NAALADL1: variants seen among roughly 807,000 people sequenced by gnomAD.
NAALADL1 encodes the protein N-acetylated alpha-linked acidic dipeptidase like 1.
In NAALADL1, 77 loss-of-function variants were observed where a neutral mutation model predicts 82.8. That is an observed-to-expected ratio of 0.93 (90% confidence interval 0.77 to 1.12). NAALADL1 has a LOEUF of 1.12. Among genes scored for constraint, NAALADL1 ranks in the 50% most tolerant of loss-of-function variants. The pLI is 0.00. For synonymous variants in NAALADL1, 358 were observed against 399.2 expected (o/e 0.90, Z 1.23); for missense variants, 956 against 964.0 (o/e 0.99, Z 0.11).
In NAALADL1 at chr11:65,046,445, C is replaced by CT; in HGVS notation, c.1680_1681insA (p.Gly561ArgfsTer21). 2 of 1,614,196 alleles carry CT rather than the reference C, an allele frequency of 1.2e-6. No homozygotes were observed. The highest frequency in any genetic ancestry group is 1.7e-6 in the Non-Finnish European group (2 of 1,180,024). On this transcript the variant is annotated frameshift_variant and splice_region_variant, in exon 14 of 18. Transcript: ENST00000358658. LOFTEE classifies it high-confidence loss of function. ...GGATGCCCCTTGTCTCCCTCCTCACCCGGGTCCAAAAACTTGTCCACATAG... is the reference window on the plus strand; with the variant it reads ...GGATGCCCCTTGTCTCCCTCCTCACCTCGGGTCCAAAAACTTGTCCACATAG...
chr11:65,053,509 G>A lies in NAALADL1; in HGVS notation c.1060C>T (p.Arg354Cys), dbSNP rs374691634. 67 of 1,613,860 alleles carry A rather than the reference G, an allele frequency of 4.2e-5. No individual in the cohort carries two copies. The highest frequency in any genetic ancestry group is 6.7e-5 in the African/African-American group (5 of 74,996). Residue 354 changes from arginine (R) to cysteine (C), a missense_variant, in exon 7 of 18, where the codon CGT (arginine) becomes TGT (cysteine). Coordinates refer to ENST00000358658, the MANE Select transcript of NAALADL1 (RefSeq NM_005468.3). This position sits in a 1 kb window ranked among gnomAD's most constrained non-coding sequence, Gnocchi z 4.3. ...GGCTCACCAGGCTCCACAGCCCCAC[G>A]GATGATGCCCAGGACGTTGGAAGAG... The part of the protein sequence containing the change: ...RNSSNVLGII[R>C]GAVEPDRYVL...
At position 65,056,868 on chromosome 11, in the gene NAALADL1, C is replaced by A. The variant is rs181310265; in HGVS notation, c.603+503G>T. ...CAGTAGCTGGGATTACAGGCATGCA[C>A]CACCATGTGTGGCTAATTTTGTATT... On this transcript the variant is annotated intron_variant, in intron 4 of 17. Transcript: ENST00000358658. 2.5e-4 allele frequency among the ~76,000 whole-genome samples: 38 copies of A among 152,246 alleles called. No homozygotes were observed. The East Asian group carries it at 7.0e-3, about 28-fold the overall frequency.
chr11:65,060,013 C>G (rs1213673826), upstream of NAALADL1, among the ~76,000 whole-genome samples: 2 of 152,220 alleles, frequency 1.3e-5, no homozygotes, highest in Non-Finnish European at 2.9e-5. Flanking sequence ...TGAGCTGGGA[C>G]TTCTCCCACC....
chr11:65,046,986 G>A (rs1171683293), intron 13 of NAALADL1, among the ~76,000 whole-genome samples: 33 of 57,918 alleles, frequency 5.7e-4, no homozygotes, highest in African/African-American at 1.7e-3. Flanking sequence ...TCCCACCCCC[G>A]CCCCTACATT....
chr11:65,054,329 C>G lies in NAALADL1; in HGVS notation c.913G>C (p.Ala305Pro). Reference sequence around the variant, plus strand: ...CAGCCCAGTGCTCCCTGCCAGGTGGCTGGGGCCAAAGTTCCGTTGAGGTTA... The same window carrying G: ...CAGCCCAGTGCTCCCTGCCAGGTGGGTGGGGCCAAAGTTCCGTTGAGGTTA... ...LCNLNGTLAP[A>P]TWQGALGCHY... The change falls in exon 6 of 18, where the codon GCC (alanine) becomes CCC (proline). Residue 305 changes from alanine to proline, a missense_variant. Physicochemically the swap from Ala to Pro is conservative, Grantham distance 27 (BLOSUM62 -1). Transcript: ENST00000358658. The surrounding 1 kb of genome is among the most constrained non-coding windows in gnomAD (Gnocchi z 4.3). 1.2e-6 allele frequency: 2 copies of G among 1,614,044 alleles called. No individual in the cohort carries two copies. Among genetic ancestry groups the G allele is most frequent in the Non-Finnish European group, 1.7e-6 (2 of 1,179,996 alleles).
In NAALADL1 at chr11:65,054,752, A is replaced by G. The variant is rs1482189118; in HGVS notation, c.604-14T>C. On this transcript the variant is annotated splice_polypyrimidine_tract_variant and intron_variant, in intron 4 of 17. Coordinates refer to ENST00000358658, the MANE Select transcript of NAALADL1 (RefSeq NM_005468.3). The surrounding 1 kb of genome is among the most constrained non-coding windows in gnomAD (Gnocchi z 4.3). The stretch of plus-strand genomic sequence containing the variant: ...AGCGTTCACAGCCTGCAGTGGGCAG[A>G]GGAGGCTGTGTGTAAGGGAGGGACC... The G allele has an allele frequency of 1.2e-6, 2 of 1,610,748 alleles. No individual in the cohort carries two copies. The highest frequency in any genetic ancestry group is 3.3e-5 in the Admixed American group (2 of 59,960).
chr11:65,057,707 GTT>G, intron 3 of NAALADL1, among the ~76,000 whole-genome samples, 166 bp downstream of exon 3: 1 of 152,154 alleles, frequency 6.6e-6, no homozygotes, highest in Non-Finnish European at 1.5e-5. Context: ...ACTAGTGTTT[GTT>G]GAATGACTGA....
At position 65,054,104 on chromosome 11, in the gene NAALADL1, TG is replaced by T; in HGVS notation, c.992+145del. ...GCTTCCCCAAAAACAAGACATATTTTGGGGTCAGGAGAGGGTCTGGGAGAGA... is the reference window on the plus strand; with the variant it reads ...GCTTCCCCAAAAACAAGACATATTTTGGGTCAGGAGAGGGTCTGGGAGAGA... On this transcript the variant is annotated intron_variant, in intron 6 of 17. Transcript: ENST00000358658. The surrounding 1 kb of genome is among the most constrained non-coding windows in gnomAD (Gnocchi z 4.3). 2 of 680,604 alleles carry T rather than the reference TG, an allele frequency of 2.9e-6. No homozygotes were observed. Among genetic ancestry groups the T allele is most frequent in the Non-Finnish European group, 2.4e-6 (1 of 409,172 alleles). 42.2% of individuals were successfully genotyped at this position (680,604 alleles called of 1,614,324 possible).
rs747333352 is a variant in NAALADL1, at chr11:65,045,501, G to A, written c.2037-44C>T. 8 of 1,534,702 alleles carry A rather than the reference G, an allele frequency of 5.2e-6. No homozygotes were observed. In the South Asian group the frequency reaches 1.0e-4, roughly 19 times the overall value. On this transcript the variant is annotated intron_variant, in intron 17 of 17. Transcript: ENST00000358658. ...CAGGATCAGGGTCAGTCAGTCAGGG[G>A]CCAGGAAAGAGAAGCCTGGGCCTAG...
chr11:65,054,469 T>G lies in NAALADL1; in HGVS notation c.873A>C (p.Ala291=), dbSNP rs150220688. 303 of 1,614,054 alleles carry G rather than the reference T, an allele frequency of 1.9e-4. 3 individuals carry two copies. The Admixed American group carries it at 4.9e-3, about 26-fold the overall frequency. The part of the protein sequence containing the change: ...IPTQPIGFQD[A]RDLLCNLNGT... ...CACAAACTCACCAGAGCAGGTCTCT[T>G]GCATCCTGGAAGCCAATGGGCTGTG... Residue 291 remains alanine (A), a synonymous_variant, in exon 5 of 18, where the codon GCA becomes GCC. Coordinates refer to ENST00000358658, the MANE Select transcript of NAALADL1 (RefSeq NM_005468.3). The surrounding 1 kb of genome is among the most constrained non-coding windows in gnomAD (Gnocchi z 4.3).
rs1246546427 is a variant in NAALADL1, at chr11:65,047,988, G to T, written c.1409C>A (p.Thr470Asn). The part of the protein sequence containing the change: ...PPVQSVVFSA[T>N]KEIRSPGPGD... ...CGGCCTGCCCCCTTCCACCTCTTTG[G>T]TTGCAGAGAAGACGACGCTCTGGAC... The change falls in exon 11 of 18, where the codon ACC (threonine) becomes AAC (asparagine). Residue 470 changes from threonine to asparagine, a missense_variant. By Grantham distance (65) the Thr-to-Asn change is moderately conservative. Transcript: ENST00000358658. The T allele has an allele frequency of 6.2e-7, 1 of 1,610,938 alleles. No homozygotes were observed. Among genetic ancestry groups the T allele is most frequent in the Admixed American group, 1.7e-5 (1 of 59,528 alleles).
intron 10 of NAALADL1, 44 bp from the exon 11 acceptor site, chr11:65,048,092 C>CTTT (rs1471108318): frequency 6.2e-7 from 1 of 1,614,030 alleles, no homozygotes; most frequent in South Asian, 1.1e-5. Context: ...CCAGCCCCTT[C>CTTT]TTTTACCCAC....
At chr11:65,052,449 G>C (rs1350292558) in intron 8 of NAALADL1, among the ~76,000 whole-genome samples, 1 of 152,102 alleles carries the variant, frequency 6.6e-6, no homozygotes, top group Non-Finnish European at 1.5e-5. Context: ...AAGTAGCAGG[G>C]ACTACAGGTG....
chr11:65,051,156 A>G (rs530951684), intron 8 of NAALADL1, among the ~76,000 whole-genome samples: 3 of 152,114 alleles, frequency 2.0e-5, no homozygotes, highest in Non-Finnish European at 4.4e-5. Context: ...TGCGCTACCC[A>G]TAAGGGTAAA....
Position 65,057,475 on chromosome 11 carries a change from T to C in NAALADL1, c.499A>G (p.Asn167Asp), listed in dbSNP as rs761697412. 1.1e-5 allele frequency: 18 copies of C among 1,613,880 alleles called. No individual in the cohort carries two copies. The highest frequency in any genetic ancestry group is 1.5e-5 in the Non-Finnish European group (18 of 1,179,842). ...GTPQGLLVYA[N>D]RGAEEDFKEL... ...TTAAAGTCTTCTTCCGCGCCCCGGT[T>C]GGCATAGACGAGGAGGCCCTAGTCC... The change falls in exon 4 of 18, where the codon AAC becomes GAC. Residue 167 changes from asparagine (N) to aspartate (D), a missense_variant. Coordinates refer to ENST00000358658, the MANE Select transcript of NAALADL1 (RefSeq NM_005468.3).
upstream of NAALADL1, among the ~76,000 whole-genome samples, chr11:65,060,038 C>T (rs555278065): frequency 2.6e-5 from 4 of 152,304 alleles, no homozygotes; most frequent in South Asian, 8.3e-4. Flanking sequence ...CATGGCCTAT[C>T]CTGCCTTGAC....
rs149141684 is a variant in NAALADL1 at position 65,058,349 on chromosome 11, C to T, written c.173G>A (p.Arg58Gln). 5.1e-5 allele frequency: 83 copies of T among 1,614,124 alleles called. No homozygotes were observed. The African/African-American group carries it at 8.1e-4, about 16-fold the overall frequency. The change falls in exon 1 of 18, where the codon CGG becomes CAG. Residue 58 changes from arginine to glutamine, a missense_variant. Physicochemically the swap from Arg to Gln is conservative, Grantham distance 43. Coordinates refer to ENST00000358658, the MANE Select transcript of NAALADL1 (RefSeq NM_005468.3). ...VMGQLDAHRIRENLRELSREP... is the reference protein window; with the variant it reads ...VMGQLDAHRIQENLRELSREP... ...CCCCACTTCTCACCTGAGGTTCTCC[C>T]GGATCCTGTGGGCATCCAGCTGCCC...
chr11:65,056,453 G>A lies in NAALADL1; in HGVS notation c.603+918C>T, dbSNP rs577562184. Among the ~76,000 whole-genome samples the A allele has an allele frequency of 3.3e-5, 5 of 152,226 alleles. No individual in the cohort carries two copies. In the South Asian group the frequency reaches 1.0e-3, roughly 32 times the overall value. ...CTCGCTCTGTCACCCAGGCTGGAGT[G>A]CAGTGGCACAATCTTGGCTCACTGC... On this transcript the variant is annotated intron_variant, in intron 4 of 17. Coordinates refer to ENST00000358658, the MANE Select transcript of NAALADL1 (RefSeq NM_005468.3).
In NAALADL1 at chr11:65,057,474, T is replaced by C. The variant is rs1467105573; in HGVS notation, c.500A>G (p.Asn167Ser). The change falls in exon 4 of 18, where the codon AAC becomes AGC. Residue 167 changes from asparagine to serine, a missense_variant. Physicochemically the swap from Asn to Ser is conservative, Grantham distance 46. Coordinates refer to ENST00000358658, the MANE Select transcript of NAALADL1 (RefSeq NM_005468.3). Reference sequence around the variant, plus strand: ...CTTAAAGTCTTCTTCCGCGCCCCGGTTGGCATAGACGAGGAGGCCCTAGTC... The same window carrying C: ...CTTAAAGTCTTCTTCCGCGCCCCGGCTGGCATAGACGAGGAGGCCCTAGTC... ...GTPQGLLVYA[N>S]RGAEEDFKEL... The C allele has an allele frequency of 2.5e-6, 4 of 1,613,932 alleles. No homozygotes were observed. The highest frequency in any genetic ancestry group is 3.4e-6 in the Non-Finnish European group (4 of 1,179,884).
Sources: gnomAD v4.1 joint callset for allele counts (sites outside exome capture counted in the v4.1 genomes callset) on GRCh38, gnomAD v4.1.1 for gene constraint, Gnocchi (gnomAD v3.1) non-coding constraint, MANE v1.5 for transcripts, NCBI Gene and HGNC (gene_info 2026-07-23, HGNC 2026-07-21) for gene names.